Variants in TARBP1 observed in about 807,000 individuals in gnomAD.
TARBP1 encodes the protein tRNA guanosine 2 -O-methyltransferase TARBP1.
A neutral mutation model predicts 178.6 loss-of-function variants in TARBP1; 144 were observed. That is an observed-to-expected ratio of 0.81 (90% CI 0.70 to 0.93). The LOEUF (loss-of-function observed/expected upper bound fraction) is 0.93. TARBP1 is among the 40% of genes least tolerant of loss of function. TARBP1 has a pLI of 0.00. For missense variants in TARBP1, 2,067 were observed against 2,011.7 expected, an observed-to-expected ratio of 1.03 and a Z score of -0.53; for synonymous variants, 787 against 781.0, an observed-to-expected ratio of 1.01 and a Z score of -0.13.
intron 9 of TARBP1, among the ~76,000 whole-genome samples, chr1:234,454,675 T>C (rs6683288): frequency 6.6e-6 from 1 of 152,046 alleles, no homozygotes; most frequent in Non-Finnish European, 1.5e-5. Flanking sequence ...AGAGAATGAT[T>C]AATTAAAATT....
At chr1:234,474,008 A>G (rs964961121) in intron 1 of TARBP1, among the ~76,000 whole-genome samples, 2 of 152,120 alleles carry the variant, frequency 1.3e-5, no homozygotes, top group African/African-American at 4.8e-5. Flanking sequence ...TGGGAGGCTG[A>G]GGCAGGAGGA....
At position 234,478,370 on chromosome 1, in the gene TARBP1, C is replaced by G; in HGVS notation, c.734G>C (p.Gly245Ala). Residue 245 changes from glycine to alanine, a missense_variant, in exon 1 of 30, where the codon GGC becomes GCC. Physicochemically the swap from Gly to Ala is moderately conservative, Grantham distance 60 (BLOSUM62 0). Transcript: ENST00000040877. ...ALAEKLLPEP[G>A]GDRARGAREA... ...GCGCGCGCCGCGGGCGCGGTCGCCGCCGGGCTCGGGCAACAGCTTCTCGGC... is the reference window on the plus strand; with the variant it reads ...GCGCGCGCCGCGGGCGCGGTCGCCGGCGGGCTCGGGCAACAGCTTCTCGGC... 7.7e-7 allele frequency: 1 copy of G among 1,290,610 alleles called. No individual in the cohort carries two copies. The highest frequency in any genetic ancestry group is 1.6e-5 in the African/African-American group (1 of 63,834). 79.9% of individuals were successfully genotyped at this position (1,290,610 alleles called of 1,614,324 possible).
chr1:234,463,660 A>ACC (rs1339684698), intron 6 of TARBP1, among the ~76,000 whole-genome samples, 177 bp downstream of exon 6: 1 of 152,214 alleles, frequency 6.6e-6, no homozygotes, highest in Non-Finnish European at 1.5e-5. Flanking sequence ...CACAATGACT[A>ACC]AAGTGTGTAC....
chr1:234,402,211 T>C (rs1454641222), intron 24 of TARBP1, among the ~76,000 whole-genome samples: 2 of 152,230 alleles, frequency 1.3e-5, no homozygotes, highest in Non-Finnish European at 2.9e-5. Flanking sequence ...TTACTGGAGT[T>C]TCACCTTTGG....
intron 13 of TARBP1, among the ~76,000 whole-genome samples, chr1:234,434,323 C>G (rs1390414598): frequency 6.6e-6 from 1 of 152,100 alleles, no homozygotes; most frequent in Non-Finnish European, 1.5e-5. Flanking sequence ...ATTACTATAC[C>G]AGAAGAGGCC....
intron 9 of TARBP1, among the ~76,000 whole-genome samples, chr1:234,454,242 G>A (rs1667071123): frequency 6.6e-6 from 1 of 152,134 alleles, no homozygotes; most frequent in African/African-American, 2.4e-5. Flanking sequence ...ATGCCTACTA[G>A]CTGCAGTGAA....
intron 12 of TARBP1, among the ~76,000 whole-genome samples, chr1:234,440,805 T>C (rs1665513085): frequency 6.6e-6 from 1 of 152,168 alleles, no homozygotes; most frequent in Non-Finnish European, 1.5e-5. Flanking sequence ...TCAAAAGAAA[T>C]AGTTATAAAT....
At chr1:234,413,287 T>C (rs1003334972) in intron 22 of TARBP1, among the ~76,000 whole-genome samples, 3 of 152,154 alleles carry the variant, frequency 2.0e-5, no homozygotes, top group African/African-American at 7.2e-5. Flanking sequence ...CAAGGCGACA[T>C]GGTGAAACCC....
chr1:234,469,725 T>C (rs1353451636), intron 3 of TARBP1, among the ~76,000 whole-genome samples: 1 of 152,262 alleles, frequency 6.6e-6, no homozygotes, highest in African/African-American at 2.4e-5. Flanking sequence ...GGGCTGCATT[T>C]AGCTATTTCA....
At chr1:234,394,761 T>A (rs1659747932) in intron 26 of TARBP1, among the ~76,000 whole-genome samples, 1 of 152,180 alleles carries the variant, frequency 6.6e-6, no homozygotes, top group African/African-American at 2.4e-5. Context: ...TGGAGGGAGA[T>A]GGCTCAAACC....
chr1:234,450,643 T>C, intron 9 of TARBP1, 77 bp from the exon 10 acceptor site: 1 of 1,486,244 alleles, frequency 6.7e-7, no homozygotes, highest in South Asian at 1.3e-5. Context: ...TAAGCCACGT[T>C]TCTTTCTTTC....
intron 21 of TARBP1, among the ~76,000 whole-genome samples, 156 bp from the exon 22 acceptor site, chr1:234,418,389 T>G (rs1428005961): frequency 6.6e-6 from 1 of 152,230 alleles, no homozygotes; most frequent in East Asian, 1.9e-4. Context: ...CTGATTAAAA[T>G]ATAATGATGA....
intron 9 of TARBP1, among the ~76,000 whole-genome samples, chr1:234,455,987 C>T (rs898830214): frequency 6.6e-6 from 1 of 152,084 alleles, no homozygotes; most frequent in South Asian, 2.1e-4. Context: ...TCACCAAATG[C>T]TATGTTTTAT....
At chr1:234,460,559 G>T (rs1435540369) in intron 6 of TARBP1, among the ~76,000 whole-genome samples, 163 bp from the exon 7 acceptor site, 1 of 152,182 alleles carries the variant, frequency 6.6e-6, no homozygotes, top group African/African-American at 2.4e-5. Context: ...CTCAGAGTTG[G>T]GGAGGATGTG....
In TARBP1 at chr1:234,447,096, G is replaced by C. The variant is rs947965987; in HGVS notation, c.1962-121C>G. 5 of 1,034,572 alleles carry C rather than the reference G, an allele frequency of 4.8e-6. No individual in the cohort carries two copies. In the Admixed American group the frequency reaches 8.4e-5, roughly 17 times the overall value. The allele number at this position is 1,034,572 out of a possible 1,614,324, so 64.1% of individuals were successfully genotyped here. The stretch of plus-strand genomic sequence containing the variant: ...TCCAATTAGACAAAGTTACTCTCAT[G>C]AAAGACCCAGACAACCAGCAGCTAT... On this transcript the variant is annotated intron_variant, in intron 11 of 29. Transcript: ENST00000040877.
At chr1:234,468,326 T>C (rs1441266080) in intron 3 of TARBP1, among the ~76,000 whole-genome samples, 1 of 151,984 alleles carries the variant, frequency 6.6e-6, no homozygotes, top group Non-Finnish European at 1.5e-5. Context: ...TGGTGGTGTA[T>C]GCCTGTAATC....
At chr1:234,465,869 GA>G (rs1668383853) in intron 4 of TARBP1, among the ~76,000 whole-genome samples, 161 bp from the exon 5 acceptor site, 1 of 152,180 alleles carries the variant, frequency 6.6e-6, no homozygotes. Flanking sequence ...GCTGGTCCTG[GA>G]GGGGAAGCTT....
rs1466492855 is a variant in TARBP1 at position 234,405,906 on chromosome 1, G to A, written c.3986C>T (p.Ala1329Val). Reference sequence around the variant, plus strand: ...GAGGTTGACGAGGGCTCCTTACCCTGCTCCGTGCATGCTTTCCACTTGATG... The same window carrying A: ...GAGGTTGACGAGGGCTCCTTACCCTACTCCGTGCATGCTTTCCACTTGATG... ...SLHQVESMHG[A>V]GNAKKNWQRI... Residue 1329 changes from alanine to valine, a missense_variant, in exon 24 of 30, where the codon GCA (alanine) becomes GTA (valine). Ala to Val is a moderately conservative substitution (Grantham distance 64, BLOSUM62 0). Transcript: ENST00000040877. The A allele has an allele frequency of 6.2e-7, 1 of 1,613,576 alleles. No individual in the cohort carries two copies. Among genetic ancestry groups the A allele is most frequent in the Non-Finnish European group, 8.5e-7 (1 of 1,179,674 alleles).
rs1217966131 is a variant in TARBP1, at chr1:234,450,464, T to C, written c.1825A>G (p.Ile609Val). The C allele has an allele frequency of 1.1e-5, 18 of 1,609,562 alleles. No homozygotes were observed. The highest frequency in any genetic ancestry group is 1.4e-5 in the Non-Finnish European group (17 of 1,178,650). ...GATGACTTAACATACTCTTGAACAA[T>C]GCTCTTTACATAAGCATTTAAAGAT... Reference protein sequence around the residue: ...KTSLNAYVKSIVQEYVKSSAW... With the variant: ...KTSLNAYVKSVVQEYVKSSAW... The change falls in exon 10 of 30, where the codon ATT becomes GTT. Residue 609 changes from isoleucine to valine, a missense_variant. Physicochemically the swap from Ile to Val is conservative, Grantham distance 29 (BLOSUM62 3). Transcript: ENST00000040877.
Sources: gnomAD v4.1 joint callset for allele counts (sites outside exome capture counted in the v4.1 genomes callset) on GRCh38, gnomAD v4.1.1 for gene constraint, MANE v1.5 for transcripts, NCBI Gene and HGNC (gene_info 2026-07-23, HGNC 2026-07-21) for gene names.